Variants in ITPR2 observed in about 807,000 individuals in gnomAD.
ITPR2 encodes inositol 1,4,5-trisphosphate receptor type 2.
Under a neutral mutation model 317.1 loss-of-function variants are expected in ITPR2, and 207 were observed. The observed-to-expected ratio is 0.65, with a 90% confidence interval of 0.58 to 0.73. The LOEUF is 0.73. Among genes scored for constraint, ITPR2 ranks in the 30% least tolerant of loss-of-function variants. ITPR2 has a pLI of 0.00. For missense variants in ITPR2, 2,613 were observed against 3,284.0 expected, an observed-to-expected ratio of 0.80 and a Z score of 4.99; for synonymous variants, 1,156 against 1,149.1, an observed-to-expected ratio of 1.01 and a Z score of -0.12.
chr12:26,769,482 A>G (rs777053011), intron 2 of ITPR2, among the ~76,000 whole-genome samples: 4 of 152,164 alleles, frequency 2.6e-5, no homozygotes, highest in Non-Finnish European at 4.4e-5. Context: ...TCAATCTTTT[A>G]TCTAAAACTC....
chr12:26,541,144 C>T (rs913875088), intron 37 of ITPR2, among the ~76,000 whole-genome samples: 16 of 33,854 alleles, frequency 4.7e-4, no homozygotes, highest in Non-Finnish European at 1.1e-3. Context: ...CCCATCTCTG[C>T]TTAAAAAAAA....
At chr12:26,545,597 G>C (rs1944376832) in intron 37 of ITPR2, among the ~76,000 whole-genome samples, 1 of 152,100 alleles carries the variant, frequency 6.6e-6, no homozygotes, top group Admixed American at 6.6e-5. Flanking sequence ...AAATTTGTGT[G>C]GTTTTACACA....
chr12:26,427,927 G>T lies in ITPR2; in HGVS notation c.6931C>A (p.Leu2311Ile). 1 of 1,573,394 alleles carries T rather than the reference G, an allele frequency of 6.4e-7. No individual in the cohort carries two copies. Among genetic ancestry groups the T allele is most frequent in the East Asian group, 2.3e-5 (1 of 43,580 alleles). ...AAAGTACTTACATTAGCTGCACCAA[G>T]AAGTATTAATGTAGGCCCAAGACCT... ...TIGLGPTLILLGAANLCNKIV... is the reference protein window; with the variant it reads ...TIGLGPTLILIGAANLCNKIV... Residue 2311 changes from leucine to isoleucine, a missense_variant, in exon 49 of 57, where the codon CTT becomes ATT. Physicochemically the swap from Leu to Ile is conservative, Grantham distance 5. Coordinates refer to ENST00000381340, the MANE Select transcript of ITPR2 (RefSeq NM_002223.4).
rs1295920141 is a variant in ITPR2 at position 26,602,686 on chromosome 12, T to C, written c.3483A>G (p.Pro1161=). 3.1e-6 allele frequency: 5 copies of C among 1,599,346 alleles called. No individual in the cohort carries two copies. The African/African-American group carries it at 6.7e-5, about 21-fold the overall frequency. The change falls in exon 27 of 57, where the codon CCA becomes CCG. Residue 1161 remains proline (P), a synonymous_variant. Transcript: ENST00000381340. ...EPIEESNILS[P]VQDGTKKPQI... is the part of the protein sequence containing the mutation. ...GAGGTTTCTTTGTTCCATCCTGCAC[T>C]GGACTTAAAATGTTTGATTCCTAAA... is the stretch of plus-strand genomic sequence containing the variant.
chr12:26,348,477 G>C (rs1938375831), intron 55 of ITPR2, among the ~76,000 whole-genome samples: 1 of 152,194 alleles, frequency 6.6e-6, no homozygotes, highest in African/African-American at 2.4e-5. Context: ...AGATACCCAT[G>C]ACATTGGCAT....
At chr12:26,687,654 A>G (rs1344254107) in intron 10 of ITPR2, among the ~76,000 whole-genome samples, 2 of 152,200 alleles carry the variant, frequency 1.3e-5, no homozygotes, top group African/African-American at 2.4e-5. Flanking sequence ...ACTTGGATCA[A>G]AAAGCCTTGC....
chr12:26,448,779 C>T (rs1282985765), intron 45 of ITPR2, among the ~76,000 whole-genome samples: 1 of 152,050 alleles, frequency 6.6e-6, no homozygotes, highest in Non-Finnish European at 1.5e-5. Flanking sequence ...TCATGACACA[C>T]TTGTAATTTA....
chr12:26,437,495 A>G (rs4146368), intron 47 of ITPR2, among the ~76,000 whole-genome samples: 65,657 of 151,988 alleles, frequency 0.43, 16,455 homozygotes, highest in Non-Finnish European at 0.58. Flanking sequence ...ATCATTCCTG[A>G]ATTAGGAGTC....
At chr12:26,364,990 C>G (rs11048482) in intron 55 of ITPR2, among the ~76,000 whole-genome samples, 2,351 of 152,256 alleles carry the variant, frequency 0.015, 63 homozygotes, top group African/African-American at 0.053. Context: ...TCACTGCGTT[C>G]TATTTTAAGC....
intron 22 of ITPR2, among the ~76,000 whole-genome samples, chr12:26,629,463 T>G (rs1272556389): frequency 2.0e-5 from 3 of 152,010 alleles, no homozygotes; most frequent in African/African-American, 7.2e-5. Context: ...GGTGCGTGCC[T>G]GTAATCCCAG....
At chr12:26,518,968 A>T (rs1337130628) in intron 37 of ITPR2, among the ~76,000 whole-genome samples, 1 of 152,132 alleles carries the variant, frequency 6.6e-6, no homozygotes, top group East Asian at 1.9e-4. Flanking sequence ...TAGAAAAATA[A>T]AATTTATCAA....
chr12:26,654,184 G>A, intron 20 of ITPR2, 58 bp from the exon 21 acceptor site: 4 of 1,384,710 alleles, frequency 2.9e-6, no homozygotes, highest in South Asian at 1.3e-5. Flanking sequence ...AAAAAAATTG[G>A]GTACTGAAAT....
chr12:26,769,313 G>A (rs761152436), intron 2 of ITPR2, among the ~76,000 whole-genome samples: 15 of 152,056 alleles, frequency 9.9e-5, no homozygotes, highest in Non-Finnish European at 2.1e-4. Context: ...CCACCCACCA[G>A]CAATGTTTGC....
In ITPR2 at chr12:26,436,210, CG is replaced by C; in HGVS notation, c.6769+10del. ...AAAATATTTATATTTTAAGGAAAAA[CG>C]AGCACTTGCCTTCATCTCCATCATC... On this transcript the variant is annotated intron_variant, in intron 48 of 56. Transcript: ENST00000381340. 6.4e-7 allele frequency: 1 copy of C among 1,561,234 alleles called. No homozygotes were observed. The highest frequency in any genetic ancestry group is 8.6e-7 in the Non-Finnish European group (1 of 1,160,098).
intron 1 of ITPR2, among the ~76,000 whole-genome samples, chr12:26,809,947 T>A (rs1000308420): frequency 9.2e-5 from 14 of 152,206 alleles, no homozygotes; most frequent in African/African-American, 3.4e-4. Context: ...CATGGAAAAA[T>A]ACATCCATTA....
rs1288015419 is a variant in ITPR2 at position 26,772,478 on chromosome 12, AAT to A, written c.163+17677_163+17678del. Among the ~76,000 whole-genome samples the A allele has an allele frequency of 1.2e-4, 10 of 80,640 alleles. No homozygotes were observed. The South Asian group carries it at 1.3e-3, about 11-fold the overall frequency. 52.9% of individuals were successfully genotyped at this position (80,640 alleles called of 152,430 possible). ...TATATATAATACATGTATTATATAT[AAT>A]ATATATAATACATATAATACATGTA... is the stretch of plus-strand genomic sequence containing the variant. On this transcript the variant is annotated intron_variant, in intron 2 of 56. Coordinates refer to ENST00000381340, the MANE Select transcript of ITPR2 (RefSeq NM_002223.4).
intron 52 of ITPR2, among the ~76,000 whole-genome samples, chr12:26,403,198 C>T (rs770125912): frequency 7.2e-5 from 11 of 152,016 alleles, no homozygotes; most frequent in African/African-American, 1.7e-4. Context: ...CAAAAGCATG[C>T]GGGGTGTTTT....
At chr12:26,339,937 C>T (rs1011786212) in intron 56 of ITPR2, among the ~76,000 whole-genome samples, 1 of 152,014 alleles carries the variant, frequency 6.6e-6, no homozygotes, top group Admixed American at 6.6e-5. Context: ...GGCATTTTAT[C>T]CTTTCCCCCT....
intron 35 of ITPR2, among the ~76,000 whole-genome samples, chr12:26,556,679 C>T (rs1944672838): frequency 6.7e-6 from 1 of 149,624 alleles, no homozygotes; most frequent in Admixed American, 6.7e-5. Flanking sequence ...AGTTAAGCCA[C>T]TGTATGTGCC....
Sources: allele counts gnomAD v4.1 joint callset (sites outside exome capture counted in the v4.1 genomes callset), GRCh38; gene constraint gnomAD v4.1.1; transcripts MANE v1.5; gene names NCBI Gene and HGNC (gene_info 2026-07-23, HGNC 2026-07-21).